The following LRP1B variants were observed in gnomAD, a reference collection of about 807,000 sequenced individuals.
The protein encoded by LRP1B is LDL receptor related protein 1B, also known as low-density lipoprotein receptor-related protein 1B.
Under a neutral mutation model 556.6 loss-of-function variants are expected in LRP1B, and 217 were observed. The observed-to-expected ratio is 0.39, with a 90% CI of 0.35 to 0.44. The LOEUF (loss-of-function observed/expected upper bound fraction) is 0.44. Ranked by LOEUF, LRP1B falls within the 20% of genes least tolerant of loss-of-function variation. The probability of loss-of-function intolerance (pLI) is 1.00; values close to 1 mark genes in which losing one functional copy is unlikely to be tolerated. For synonymous variants in LRP1B, 2,047 were observed against 1,865.8 expected, an observed-to-expected ratio of 1.10 and a Z score of -2.50; for missense variants, 5,053 against 5,620.8, an observed-to-expected ratio of 0.90 and a Z score of 3.23.
chr2:142,021,372 T>A (rs1262442112), intron 1 of LRP1B, among the ~76,000 whole-genome samples: 1 of 152,128 alleles, frequency 6.6e-6, no homozygotes, highest in Non-Finnish European at 1.5e-5. Context: ...ACAATATTAC[T>A]TGACTTTGTA....
At chr2:141,140,528 T>C (rs1447790871) in intron 7 of LRP1B, among the ~76,000 whole-genome samples, 2 of 151,992 alleles carry the variant, frequency 1.3e-5, no homozygotes, top group African/African-American at 2.4e-5. Flanking sequence ...GTCCTAAGGG[T>C]AGGGCTCTAA....
At chr2:141,333,279 A>C (rs1199541728) in intron 3 of LRP1B, among the ~76,000 whole-genome samples, 1 of 152,048 alleles carries the variant, frequency 6.6e-6, no homozygotes, top group Non-Finnish European at 1.5e-5. Context: ...TTATCCTTCT[A>C]ACTTTGTGGA....
intron 32 of LRP1B, among the ~76,000 whole-genome samples, chr2:140,785,745 C>T (rs893767308): frequency 3.9e-5 from 6 of 152,070 alleles, no homozygotes; most frequent in African/African-American, 1.4e-4. Flanking sequence ...TACAACAAAG[C>T]CACCTCAACT....
In LRP1B at chr2:140,751,939, C is replaced by T. The variant is rs138050412; in HGVS notation, c.5758+17274G>A. On this transcript the variant is annotated intron_variant, in intron 35 of 90. Transcript: ENST00000389484. ...CCATGTAGGATATATATACGCAGTACAATAATAACAGGTGGAGAGCTTTAT... is the reference window on the plus strand; with the variant it reads ...CCATGTAGGATATATATACGCAGTATAATAATAACAGGTGGAGAGCTTTAT... Among the ~76,000 whole-genome samples, 29 of 152,220 alleles carry T rather than the reference C, an allele frequency of 1.9e-4. 1 individual carries two copies. Among genetic ancestry groups the T allele is most frequent in the African/African-American group, 5.5e-4 (23 of 41,536 alleles).
At chr2:142,053,344 C>G (rs1704538967) in intron 1 of LRP1B, among the ~76,000 whole-genome samples, 1 of 150,848 alleles carries the variant, frequency 6.6e-6, no homozygotes, top group African/African-American at 2.4e-5. Context: ...TTCTTGTAGA[C>G]AGTCATTAGG....
intron 3 of LRP1B, among the ~76,000 whole-genome samples, chr2:141,415,322 T>C (rs1244278017): frequency 6.6e-6 from 1 of 150,684 alleles, no homozygotes; most frequent in African/African-American, 2.4e-5. Context: ...CTCTAATCTA[T>C]TTTTTTTTCC....
At chr2:140,896,411 G>A (rs1693954690) in intron 23 of LRP1B, among the ~76,000 whole-genome samples, 1 of 152,040 alleles carries the variant, frequency 6.6e-6, no homozygotes, top group Non-Finnish European at 1.5e-5. Flanking sequence ...GAAGGGAAGA[G>A]TGTAGAGAAA....
At chr2:141,963,220 C>T (rs114407531) in intron 1 of LRP1B, among the ~76,000 whole-genome samples, 5,292 of 151,920 alleles carry the variant, frequency 0.035, 294 homozygotes, top group African/African-American at 0.12. Context: ...CTACTTCTTA[C>T]TATGGATAAC....
chr2:140,875,440 A>G (rs1005412896), intron 25 of LRP1B, among the ~76,000 whole-genome samples: 31 of 152,156 alleles, frequency 2.0e-4, no homozygotes, highest in Admixed American at 2.0e-3. Context: ...TTTGAAAAAC[A>G]AATTTAATTA....
At chr2:141,784,058 T>A (rs1695345742) in intron 2 of LRP1B, among the ~76,000 whole-genome samples, 1 of 152,000 alleles carries the variant, frequency 6.6e-6, no homozygotes, top group African/African-American at 2.4e-5. Context: ...TTTACTTTTT[T>A]AAGTGATCGC....
intron 2 of LRP1B, among the ~76,000 whole-genome samples, chr2:141,519,360 G>GATATATATATATATATATAT (rs60473210): frequency 5.9e-5 from 4 of 68,312 alleles, no homozygotes; most frequent in South Asian, 6.4e-4. Context: ...TTAAGTCAAT[G>GATATATATATATATATATAT]ATATATATAT....
At chr2:140,588,946 G>A (rs1344156630) in intron 43 of LRP1B, among the ~76,000 whole-genome samples, 1 of 138,142 alleles carries the variant, frequency 7.2e-6, no homozygotes, top group African/African-American at 2.7e-5. Context: ...CTGGGCAACA[G>A]AACGAGACTC....
At chr2:140,899,363 T>C (rs1244371971) in intron 23 of LRP1B, among the ~76,000 whole-genome samples, 1 of 152,028 alleles carries the variant, frequency 6.6e-6, no homozygotes, top group Non-Finnish European at 1.5e-5. Context: ...ATGAGCAAGG[T>C]TGGTCTTCAA....
In LRP1B at chr2:140,394,635, T is replaced by G. The variant is rs193173520; in HGVS notation, c.10415-8626A>C. ...TTCTATCTCAGTGGTCAAAACTTAG[T>G]CACACGACAACACAAGAGAAGCTGG... is the stretch of plus-strand genomic sequence containing the variant. On this transcript the variant is annotated intron_variant, in intron 66 of 90. Coordinates refer to ENST00000389484, the MANE Select transcript of LRP1B (RefSeq NM_018557.3). 5.5e-4 allele frequency among the ~76,000 whole-genome samples: 84 copies of G among 152,108 alleles called. 2 individuals carry two copies. Among genetic ancestry groups the G allele is most frequent in the African/African-American group, 2.0e-3 (83 of 41,490 alleles).
At chr2:140,286,350 GA>G (rs1194823238) in intron 84 of LRP1B, among the ~76,000 whole-genome samples, 1 of 151,840 alleles carries the variant, frequency 6.6e-6, no homozygotes, top group African/African-American at 2.4e-5. Flanking sequence ...AGGAGTAAAA[GA>G]GGGAGACTGG....
chr2:141,100,822 A>G (rs1277959693), intron 7 of LRP1B, among the ~76,000 whole-genome samples: 3 of 152,052 alleles, frequency 2.0e-5, no homozygotes, highest in East Asian at 1.9e-4. Context: ...CTCCACTAAG[A>G]TAGCTAAGAC....
intron 32 of LRP1B, among the ~76,000 whole-genome samples, chr2:140,801,927 C>T (rs541653326): frequency 1.1e-4 from 16 of 151,840 alleles, no homozygotes; most frequent in Non-Finnish European, 1.9e-4. Flanking sequence ...GGAAAACAAA[C>T]GACAACAACA....
At chr2:141,342,601 G>A (rs552600687) in intron 3 of LRP1B, among the ~76,000 whole-genome samples, 4 of 151,776 alleles carry the variant, frequency 2.6e-5, no homozygotes, top group Non-Finnish European at 5.9e-5. Context: ...GCCGAACTGA[G>A]CAAGCAGAAG....
intron 77 of LRP1B, among the ~76,000 whole-genome samples, chr2:140,349,205 G>C (rs1054230690): frequency 6.6e-6 from 1 of 151,870 alleles, no homozygotes; most frequent in African/African-American, 2.4e-5. Flanking sequence ...CTGAACTAAA[G>C]GACAATCAAT....
Sources: gnomAD v4.1 joint callset for allele counts (sites outside exome capture counted in the v4.1 genomes callset) on GRCh38, gnomAD v4.1.1 for gene constraint, MANE v1.5 for transcripts, NCBI Gene and HGNC (gene_info 2026-07-23, HGNC 2026-07-21) for gene names.